SGK1: variants seen among roughly 807,000 people sequenced by gnomAD.
SGK1 encodes the protein serine/threonine-protein kinase Sgk1.
A neutral mutation model predicts 64.2 loss-of-function variants in SGK1; 26 were observed. The observed-to-expected ratio is 0.40, with a 90% confidence interval of 0.30 to 0.56. SGK1 has a LOEUF of 0.56. Ranked by LOEUF, SGK1 falls within the 20% of genes least tolerant of loss-of-function variation. The pLI, the probability that SGK1 is intolerant of heterozygous loss-of-function variation, is 0.38. For missense variants in SGK1, 519 were observed against 645.6 expected (o/e 0.80, Z 2.12); for synonymous variants, 265 against 239.7 (o/e 1.11, Z -0.98).
At chr6:134,258,799 C>A (rs1776721714) in intron 2 of SGK1, among the ~76,000 whole-genome samples, 1 of 152,056 alleles carries the variant, frequency 6.6e-6, no homozygotes, top group African/African-American at 2.4e-5. Context: ...TTGATACCAA[C>A]CTGTCTCCAC....
intron 2 of SGK1, among the ~76,000 whole-genome samples, chr6:134,257,772 A>G (rs1459905352): frequency 6.6e-6 from 1 of 152,208 alleles, no homozygotes; most frequent in Non-Finnish European, 1.5e-5. Context: ...GCACATGCAC[A>G]TCAATTTACG....
At chr6:134,251,926 T>A (rs1776611817) in intron 2 of SGK1, among the ~76,000 whole-genome samples, 1 of 152,146 alleles carries the variant, frequency 6.6e-6, no homozygotes, top group African/African-American at 2.4e-5. Flanking sequence ...GGCTAATTTT[T>A]AAAATTTTCT....
At chr6:134,222,282 T>A in intron 2 of SGK1, among the ~76,000 whole-genome samples, 1 of 152,040 alleles carries the variant, frequency 6.6e-6, no homozygotes, top group East Asian at 1.9e-4. Context: ...CATAAAGATG[T>A]AGAAACCTGT....
intron 1 of SGK1, among the ~76,000 whole-genome samples, chr6:134,287,453 T>G (rs943428583): frequency 7.2e-5 from 11 of 151,804 alleles, no homozygotes; most frequent in African/African-American, 2.6e-4. Context: ...GCTTTTTTTT[T>G]TTTTTTAAGG....
chr6:134,304,496 A>G (rs893176358), intron 1 of SGK1, among the ~76,000 whole-genome samples: 6 of 152,190 alleles, frequency 3.9e-5, no homozygotes, highest in African/African-American at 1.4e-4. Context: ...TACTAAAGAT[A>G]TAAAAGTTAG....
chr6:134,278,544 C>G (rs1053401983), intron 1 of SGK1, among the ~76,000 whole-genome samples: 10 of 152,150 alleles, frequency 6.6e-5, no homozygotes, highest in Non-Finnish European at 1.3e-4. Context: ...CAGTTTTATA[C>G]AAAAACAGCT....
chr6:134,235,722 C>A (rs1339384334), intron 2 of SGK1, among the ~76,000 whole-genome samples: 1 of 151,850 alleles, frequency 6.6e-6, no homozygotes, highest in Non-Finnish European at 1.5e-5. Context: ...CAGGCATGCA[C>A]CACCATGCCT....
chr6:134,243,036 T>TA (rs1453832851), intron 2 of SGK1, among the ~76,000 whole-genome samples: 4 of 151,442 alleles, frequency 2.6e-5, no homozygotes, highest in Non-Finnish European at 5.9e-5. Flanking sequence ...AACTAATGGT[T>TA]AAAAAACAAA....
chr6:134,188,047 A>G (rs1775450712), intron 3 of SGK1, among the ~76,000 whole-genome samples: 1 of 152,142 alleles, frequency 6.6e-6, no homozygotes, highest in African/African-American at 2.4e-5. Flanking sequence ...CATAACCTCC[A>G]TCCTTGCCAC....
Position 134,173,559 on chromosome 6 carries a change from G to A in SGK1, c.521C>T (p.Pro174Leu). 2 of 1,587,544 alleles carry A rather than the reference G, an allele frequency of 1.3e-6. No homozygotes were observed. The highest frequency in any genetic ancestry group is 1.7e-6 in the Non-Finnish European group (2 of 1,170,580). ...MNANPSPPPS[P>L]SQQINLGPSS... ...CGGGCCAAGGTTGATTTGCTGAGAA[G>A]GACTTGGCTAGAAAAAAAAAAAAAG... The change falls in exon 6 of 14, where the codon CCT becomes CTT. Residue 174 changes from proline to leucine, a missense_variant. By Grantham distance (98) the Pro-to-Leu change is moderately conservative. Transcript: ENST00000367858.
At chr6:134,230,409 T>C (rs1743947) in intron 2 of SGK1, 148,535 of 152,286 alleles carry the variant, frequency 0.98, 72,445 homozygotes, top group East Asian at 1. Flanking sequence ...CAGTTCATCA[T>C]GGCTGGAGAG....
At chr6:134,235,537 ATATT>A (rs1405942138) in intron 2 of SGK1, among the ~76,000 whole-genome samples, 43 of 25,116 alleles carry the variant, frequency 1.7e-3, no homozygotes, top group Admixed American at 0.011. Flanking sequence ...GAAAAAATAG[ATATT>A]TTTATTTATT....
At chr6:134,291,698 CT>C (rs1353242372) in intron 1 of SGK1, among the ~76,000 whole-genome samples, 1 of 152,178 alleles carries the variant, frequency 6.6e-6, no homozygotes, top group Admixed American at 6.5e-5. Flanking sequence ...GATTGGAACA[CT>C]TATTCTATTT....
chr6:134,268,743 T>A (rs904599922), intron 1 of SGK1, among the ~76,000 whole-genome samples: 12 of 121,460 alleles, frequency 9.9e-5, no homozygotes, highest in South Asian at 2.8e-4. Context: ...AAAAAAAAAA[T>A]TCCCTCACTT....
intron 1 of SGK1, among the ~76,000 whole-genome samples, chr6:134,268,677 C>A (rs1430078414): frequency 1.4e-5 from 2 of 138,812 alleles, no homozygotes; most frequent in African/African-American, 5.1e-5. Flanking sequence ...GAGCTGAGAT[C>A]GCGCCACTGC....
chr6:134,314,178 T>C, intron 1 of SGK1, among the ~76,000 whole-genome samples: 1 of 148,708 alleles, frequency 6.7e-6, no homozygotes, highest in Admixed American at 7.4e-5. Flanking sequence ...ATCCAAAGGA[T>C]TTTGTAGAAC....
intron 1 of SGK1, 49 bp from the exon 2 acceptor site, chr6:134,262,197 G>A: frequency 7.4e-7 from 1 of 1,356,262 alleles, no homozygotes; most frequent in Non-Finnish European, 1.0e-6. Flanking sequence ...GACTCCCTTT[G>A]ATGTTTATTG....
chr6:134,265,426 C>T (rs914188325), intron 1 of SGK1, among the ~76,000 whole-genome samples: 1 of 151,450 alleles, frequency 6.6e-6, no homozygotes, highest in Non-Finnish European at 1.5e-5. Flanking sequence ...TGCCATTGCA[C>T]TCCAGCCTGG....
chr6:134,185,323 C>T (rs1775403872), intron 3 of SGK1, among the ~76,000 whole-genome samples: 2 of 152,158 alleles, frequency 1.3e-5, no homozygotes, highest in African/African-American at 2.4e-5. Context: ...AGCACAACCC[C>T]CTTCTACTTT....
Sources: gnomAD v4.1 joint callset for allele counts (sites outside exome capture counted in the v4.1 genomes callset) on GRCh38, gnomAD v4.1.1 for gene constraint, MANE v1.5 for transcripts, NCBI Gene and HGNC (gene_info 2026-07-23, HGNC 2026-07-21) for gene names.